The following KHDRBS2 variants were observed in gnomAD, a reference collection of about 807,000 sequenced individuals.
The protein encoded by KHDRBS2 is KH domain-containing, RNA-binding, signal transduction-associated protein 2.
Under a neutral mutation model 44.3 loss-of-function variants are expected in KHDRBS2, and 26 were observed. The observed-to-expected ratio is 0.59, with a 90% CI of 0.43 to 0.81. The LOEUF (loss-of-function observed/expected upper bound fraction) is 0.81. KHDRBS2 is among the 40% of genes least tolerant of loss of function. The pLI, the probability that KHDRBS2 is intolerant of heterozygous loss-of-function variation, is 0.00. For missense variants in KHDRBS2, 476 were observed against 433.1 expected, an observed-to-expected ratio of 1.10 and a Z score of -0.88; for synonymous variants, 194 against 151.1, an observed-to-expected ratio of 1.28 and a Z score of -2.08.
At chr6:61,861,216 A>G (rs1355804475) in intron 6 of KHDRBS2, among the ~76,000 whole-genome samples, 1 of 152,034 alleles carries the variant, frequency 6.6e-6, no homozygotes, top group Non-Finnish European at 1.5e-5. Flanking sequence ...TCTTTAGTTT[A>G]ATTAGATCCC....
At chr6:62,083,126 G>T (rs575521462) in intron 2 of KHDRBS2, among the ~76,000 whole-genome samples, 2 of 152,082 alleles carry the variant, frequency 1.3e-5, no homozygotes, top group Admixed American at 6.6e-5. Context: ...ACCCTGGCCT[G>T]CCCTGCCCCC....
At chr6:61,852,682 A>T (rs976336726) in intron 6 of KHDRBS2, among the ~76,000 whole-genome samples, 2 of 152,004 alleles carry the variant, frequency 1.3e-5, no homozygotes, top group African/African-American at 4.8e-5. Context: ...TATGGAAAGG[A>T]TTTATAAGGC....
the KHDRBS2 span, among the ~76,000 whole-genome samples, chr6:61,626,953 T>G: frequency 6.6e-6 from 1 of 152,028 alleles, no homozygotes; most frequent in African/African-American, 2.4e-5. Flanking sequence ...TTCTGTTGTG[T>G]AGTAAAGAAT....
At position 62,200,577 on chromosome 6, in the gene KHDRBS2, A is replaced by T. The variant is rs1826745366; in HGVS notation, c.92-23265T>A. ...TTAGAATGGCGATCATTAAAAAGTC[A>T]GGAAACAATAGGTGCTGGAGAGGAT... On this transcript the variant is annotated intron_variant, in intron 1 of 8. Transcript: ENST00000281156. 2.0e-5 allele frequency among the ~76,000 whole-genome samples: 3 copies of T among 152,220 alleles called. No homozygotes were observed. In the South Asian group the frequency reaches 6.2e-4, roughly 32 times the overall value.
intron 3 of KHDRBS2, among the ~76,000 whole-genome samples, chr6:62,026,438 AT>A (rs70993194): frequency 2.0e-4 from 29 of 146,142 alleles, no homozygotes; most frequent in Middle Eastern, 3.6e-3. Context: ...TATTATTATT[AT>A]TTTTTTTTTT....
At chr6:61,629,267 TA>T in the KHDRBS2 span, among the ~76,000 whole-genome samples, 1 of 152,172 alleles carries the variant, frequency 6.6e-6, no homozygotes, top group Non-Finnish European at 1.5e-5. Flanking sequence ...ATTGCACCTT[TA>T]AGTATAATAA....
intron 3 of KHDRBS2, among the ~76,000 whole-genome samples, chr6:62,035,606 T>A (rs906331392): frequency 6.6e-6 from 1 of 151,970 alleles, no homozygotes; most frequent in Admixed American, 6.6e-5. Flanking sequence ...ATATAGTCAA[T>A]AATAAACTAA....
intron 2 of KHDRBS2, among the ~76,000 whole-genome samples, chr6:62,104,486 A>G (rs1802680352): frequency 6.6e-6 from 1 of 152,226 alleles, no homozygotes; most frequent in Non-Finnish European, 1.5e-5. Flanking sequence ...GGGTATCAGT[A>G]ATTAAAAAAA....
At position 62,233,085 on chromosome 6, in the gene KHDRBS2, T is replaced by C. The variant is rs1198155593; in HGVS notation, c.91+52773A>G. On this transcript the variant is annotated intron_variant, in intron 1 of 8. Coordinates refer to ENST00000281156, the MANE Select transcript of KHDRBS2 (RefSeq NM_152688.4). ...TTGCTTGGAAAATGTCACATAAAGA[T>C]TAACTTAGGCTAATTGGGACTAATT... Among the ~76,000 whole-genome samples the C allele has an allele frequency of 4.6e-5, 7 of 152,100 alleles. 1 individual carries two copies. Among genetic ancestry groups the C allele is most frequent in the Admixed American group, 4.6e-4 (7 of 15,252 alleles).
chr6:61,738,360 A>G (rs1425576876), intron 6 of KHDRBS2, among the ~76,000 whole-genome samples: 1 of 152,056 alleles, frequency 6.6e-6, no homozygotes, highest in Non-Finnish European at 1.5e-5. Context: ...TCCCTGGAAC[A>G]TGGTCATGAA....
At chr6:62,068,267 T>C (rs1008584717) in intron 2 of KHDRBS2, among the ~76,000 whole-genome samples, 13 of 151,622 alleles carry the variant, frequency 8.6e-5, no homozygotes, top group African/African-American at 3.1e-4. Context: ...AGTTGACTGA[T>C]GGAAAATGAT....
intron 5 of KHDRBS2, among the ~76,000 whole-genome samples, chr6:61,897,666 G>A (rs779657976): frequency 6.6e-6 from 1 of 151,788 alleles, no homozygotes; most frequent in Non-Finnish European, 1.5e-5. Flanking sequence ...TGATGGAATT[G>A]TTTTCTCATT....
chr6:61,728,236 G>T (rs1773889150), intron 7 of KHDRBS2, among the ~76,000 whole-genome samples: 1 of 152,106 alleles, frequency 6.6e-6, no homozygotes, highest in South Asian at 2.1e-4. Context: ...GGAGCTAAAT[G>T]ATGAGAACAC....
chr6:61,850,915 C>T (rs1361691366), intron 6 of KHDRBS2, among the ~76,000 whole-genome samples: 1 of 152,118 alleles, frequency 6.6e-6, no homozygotes. Context: ...TTTGTTATAT[C>T]CTCCAGGCTT....
At chr6:61,626,986 G>A in the KHDRBS2 span, among the ~76,000 whole-genome samples, 383 of 152,122 alleles carry the variant, frequency 2.5e-3, no homozygotes, top group Non-Finnish European at 4.5e-3. Flanking sequence ...GGGCGCGGTG[G>A]CTCACGCCTG....
chr6:62,188,065 C>G (rs896270071), intron 1 of KHDRBS2, among the ~76,000 whole-genome samples: 1 of 151,938 alleles, frequency 6.6e-6, no homozygotes, highest in African/African-American at 2.4e-5. Context: ...CTTTAAACAA[C>G]CAGCTCTCAG....
intron 2 of KHDRBS2, among the ~76,000 whole-genome samples, chr6:62,115,704 A>G (rs1806057045): frequency 6.6e-6 from 1 of 152,190 alleles, no homozygotes; most frequent in Non-Finnish European, 1.5e-5. Context: ...TGTGAGGCTA[A>G]TTAACAGAGA....
chr6:61,910,508 A>G (rs1490423980), intron 4 of KHDRBS2, among the ~76,000 whole-genome samples: 2 of 152,108 alleles, frequency 1.3e-5, no homozygotes, highest in Non-Finnish European at 2.9e-5. Flanking sequence ...GTTTTATCTT[A>G]TTTTCCCATT....
intron 6 of KHDRBS2, among the ~76,000 whole-genome samples, chr6:61,819,044 CTCTT>C (rs1258561276): frequency 1.3e-5 from 2 of 151,900 alleles, no homozygotes; most frequent in East Asian, 3.9e-4. Flanking sequence ...CCTCTAATTT[CTCTT>C]TTTTTCTCTT....
Sources: gnomAD v4.1 joint callset for allele counts (sites outside exome capture counted in the v4.1 genomes callset) on GRCh38, gnomAD v4.1.1 for gene constraint, MANE v1.5 for transcripts, NCBI Gene and HGNC (gene_info 2026-07-23, HGNC 2026-07-21) for gene names.